THSD7A: variants seen among roughly 807,000 people sequenced by gnomAD.
THSD7A encodes thrombospondin type 1 domain containing 7A, also known as thrombospondin type-1 domain-containing protein 7A.
Under a neutral mutation model 231.3 loss-of-function variants are expected in THSD7A, and 96 were observed. The ratio of observed to expected loss-of-function variants is 0.41; its 90% confidence interval spans 0.35 to 0.49. The LOEUF (loss-of-function observed/expected upper bound fraction) is 0.49, where lower values mean the gene tolerates loss of function less well. THSD7A is among the 20% of genes least tolerant of loss of function. THSD7A has a pLI of 0.05. For synonymous variants in THSD7A, 940 were observed against 743.3 expected, an observed-to-expected ratio of 1.26 and a Z score of -4.30; for missense variants, 2,290 against 2,070.2, an observed-to-expected ratio of 1.11 and a Z score of -2.06.
At chr7:11,447,982 A>T (rs1785027312) in intron 11 of THSD7A, among the ~76,000 whole-genome samples, 1 of 152,098 alleles carries the variant, frequency 6.6e-6, no homozygotes, top group South Asian at 2.1e-4. Flanking sequence ...CATGGGAAGT[A>T]TGTTCACTGT....
At chr7:11,578,805 G>C (rs539461013) in intron 4 of THSD7A, among the ~76,000 whole-genome samples, 27 of 152,306 alleles carry the variant, frequency 1.8e-4, no homozygotes, top group African/African-American at 6.3e-4. Flanking sequence ...AATAGCACTG[G>C]TTTTGCTTCA....
At chr7:11,746,107 C>G (rs115344308) in intron 1 of THSD7A, among the ~76,000 whole-genome samples, 2,468 of 151,620 alleles carry the variant, frequency 0.016, 54 homozygotes, top group African/African-American at 0.056. Flanking sequence ...TGTTTGGATA[C>G]CAGGTTTAAT....
chr7:11,823,821 C>T (rs1562580946), intron 1 of THSD7A, among the ~76,000 whole-genome samples: 1 of 151,764 alleles, frequency 6.6e-6, no homozygotes, highest in Admixed American at 6.6e-5. Flanking sequence ...AGCTTTTTTA[C>T]TGTTTGGGTA....
Position 11,638,994 on chromosome 7 carries a change from C to T in THSD7A, c.191-2033G>A, listed in dbSNP as rs1414205300. On this transcript the variant is annotated intron_variant, in intron 1 of 27. Coordinates refer to ENST00000423059, the MANE Select transcript of THSD7A (RefSeq NM_015204.3). ...AAATTTTCTAATTAATTCCACACAT[C>T]CTTGGCATTTATTCCCCATCCCCAC... Among the ~76,000 whole-genome samples, 3 of 152,106 alleles carry T rather than the reference C, an allele frequency of 2.0e-5. 1 individual carries two copies. Among genetic ancestry groups the T allele is most frequent in the Non-Finnish European group, 4.4e-5 (3 of 68,020 alleles).
At chr7:11,789,830 A>T (rs890820855) in intron 1 of THSD7A, among the ~76,000 whole-genome samples, 1 of 151,900 alleles carries the variant, frequency 6.6e-6, no homozygotes, top group African/African-American at 2.4e-5. Flanking sequence ...TTGGCACTGG[A>T]TGCATAATAA....
chr7:11,745,642 C>A (rs1386018289), intron 1 of THSD7A, among the ~76,000 whole-genome samples: 1 of 152,092 alleles, frequency 6.6e-6, no homozygotes, highest in Non-Finnish European at 1.5e-5. Context: ...GGAAGGGATC[C>A]AGTTTCAGCT....
intron 2 of THSD7A, among the ~76,000 whole-genome samples, chr7:11,596,454 A>G (rs1780361071): frequency 6.6e-6 from 1 of 152,196 alleles, no homozygotes; most frequent in African/African-American, 2.4e-5. Flanking sequence ...CCCCAGGGCC[A>G]GAATGCATAA....
intron 1 of THSD7A, among the ~76,000 whole-genome samples, chr7:11,754,749 T>C (rs1312504951): frequency 6.6e-6 from 1 of 152,118 alleles, no homozygotes; most frequent in East Asian, 1.9e-4. Context: ...GATTTCAACA[T>C]ACAATGTAGT....
chr7:11,571,763 A>G (rs967105894), intron 4 of THSD7A, among the ~76,000 whole-genome samples: 7 of 150,588 alleles, frequency 4.6e-5, no homozygotes, highest in Non-Finnish European at 7.4e-5. Context: ...TGAGATTTCA[A>G]CCCTCGTTCG....
At chr7:11,423,437 C>A (rs901218629) in intron 16 of THSD7A, among the ~76,000 whole-genome samples, 1 of 147,564 alleles carries the variant, frequency 6.8e-6, no homozygotes, top group Non-Finnish European at 1.5e-5. Context: ...GGCGCGATCT[C>A]GGCTCACTGC....
intron 23 of THSD7A, among the ~76,000 whole-genome samples, chr7:11,396,562 C>A (rs911944197): frequency 1.3e-5 from 2 of 152,170 alleles, no homozygotes; most frequent in African/African-American, 4.8e-5. Flanking sequence ...AACATACTCC[C>A]TCCCATGACT....
rs1327257587 is a variant in THSD7A at position 11,412,819 on chromosome 7, A to C, written c.3538-19T>G. The C allele has an allele frequency of 1.2e-5, 19 of 1,601,836 alleles. No homozygotes were observed. The highest frequency in any genetic ancestry group is 1.6e-5 in the Non-Finnish European group (19 of 1,173,460). ...TGCAAGGCTTAAAAAGAACAGTACAAATTCTCAGAAAGGTGAATACTCAGC... is the reference window on the plus strand; with the variant it reads ...TGCAAGGCTTAAAAAGAACAGTACACATTCTCAGAAAGGTGAATACTCAGC... On this transcript the variant is annotated intron_variant, in intron 17 of 27. Coordinates refer to ENST00000423059, the MANE Select transcript of THSD7A (RefSeq NM_015204.3).
At chr7:11,728,739 G>A (rs967771457) in intron 1 of THSD7A, among the ~76,000 whole-genome samples, 3 of 151,810 alleles carry the variant, frequency 2.0e-5, no homozygotes, top group Non-Finnish European at 4.4e-5. Context: ...CAAGTAGACT[G>A]AGAGAGGCTG....
At chr7:11,820,460 C>T in intron 1 of THSD7A, 1 of 1,263,660 alleles carries the variant, frequency 7.9e-7, no homozygotes, top group Admixed American at 2.9e-5. Flanking sequence ...ATGAACCGGC[C>T]CTGACCCGGA....
intron 9 of THSD7A, 119 bp downstream of exon 9, chr7:11,469,760 T>G (rs1785858552): frequency 1.6e-6 from 1 of 615,138 alleles, no homozygotes; most frequent in Admixed American, 3.0e-5. Flanking sequence ...GGCATGCATG[T>G]CAAATCAGGT....
At chr7:11,787,814 G>A (rs1251274682) in intron 1 of THSD7A, among the ~76,000 whole-genome samples, 56 of 152,072 alleles carry the variant, frequency 3.7e-4, no homozygotes, top group Non-Finnish European at 5.9e-5. Context: ...ATGCAATACG[G>A]TACAGGCACT....
intron 1 of THSD7A, among the ~76,000 whole-genome samples, chr7:11,819,250 C>A (rs567709909): frequency 6.6e-6 from 1 of 152,146 alleles, no homozygotes; most frequent in Non-Finnish European, 1.5e-5. Context: ...ATGGAACAGC[C>A]ACTTTGGAAG....
intron 4 of THSD7A, among the ~76,000 whole-genome samples, chr7:11,579,560 T>C (rs1462989699): frequency 6.6e-6 from 1 of 152,190 alleles, no homozygotes; most frequent in African/African-American, 2.4e-5. Flanking sequence ...CTTTCATTAA[T>C]GGAAGGTCTG....
intron 6 of THSD7A, among the ~76,000 whole-genome samples, chr7:11,519,726 C>T (rs1788183529): frequency 6.6e-6 from 1 of 152,190 alleles, no homozygotes; most frequent in African/African-American, 2.4e-5. Context: ...TCCTGCACTT[C>T]TGACAGACTA....
Sources: allele counts gnomAD v4.1 joint callset (sites outside exome capture counted in the v4.1 genomes callset), GRCh38; gene constraint gnomAD v4.1.1; transcripts MANE v1.5; gene names NCBI Gene and HGNC (gene_info 2026-07-23, HGNC 2026-07-21).